Variants in OCA2 observed in about 807,000 individuals in gnomAD.
OCA2 encodes the protein P protein.
OCA2 carries 77 observed loss-of-function variants against 100.2 expected under a neutral mutation model. That is an observed-to-expected ratio of 0.77 (90% CI 0.64 to 0.93). The LOEUF is 0.93. OCA2 is among the 40% of genes least tolerant of loss of function. OCA2 has a pLI of 0.00. For missense variants in OCA2, 1,062 were observed against 1,089.1 expected, an observed-to-expected ratio of 0.98 and a Z score of 0.35; for synonymous variants, 432 against 439.2, an observed-to-expected ratio of 0.98 and a Z score of 0.21.
At position 27,985,072 on chromosome 15, in the gene OCA2, C is replaced by T. The variant is rs768532718; in HGVS notation, c.1356G>A (p.Val452=). 1 of 1,613,774 alleles carries T rather than the reference C, an allele frequency of 6.2e-7. No individual in the cohort carries two copies. The highest frequency in any genetic ancestry group is 1.3e-5 in the African/African-American group (1 of 74,920). Residue 452 remains valine, a synonymous_variant, in exon 13 of 24, where the codon GTG becomes GTA. Transcript: ENST00000354638. ...NVTTMLLFTP[V]TIRLCEVLNL... is the part of the protein sequence containing the mutation. ...AGAGGTGCTTTGCGTACCTTATGGT[C>T]ACAGGCGTGAAGAGGAGCATGGTGG...
chr15:28,083,144 C>T (rs1440480057), intron 1 of OCA2, among the ~76,000 whole-genome samples: 2 of 152,200 alleles, frequency 1.3e-5, no homozygotes, highest in African/African-American at 4.8e-5. Flanking sequence ...CACATACAGT[C>T]TTCACAATGC....
At chr15:27,999,587 T>C (rs902151801) in intron 9 of OCA2, among the ~76,000 whole-genome samples, 1 of 152,180 alleles carries the variant, frequency 6.6e-6, no homozygotes, top group Non-Finnish European at 1.5e-5. Flanking sequence ...ACCACTTCTA[T>C]TCAACATAGT....
intron 2 of OCA2, among the ~76,000 whole-genome samples, chr15:28,042,925 A>C (rs2043247452): frequency 6.6e-6 from 1 of 152,126 alleles, no homozygotes; most frequent in Admixed American, 6.5e-5. Flanking sequence ...ATTGGAAAAT[A>C]TGTTAGGGTT....
chr15:27,755,635 T>C (rs1346312048), intron 23 of OCA2, among the ~76,000 whole-genome samples, 163 bp from the exon 24 acceptor site: 1 of 152,248 alleles, frequency 6.6e-6, no homozygotes, highest in African/African-American at 2.4e-5. Flanking sequence ...GACTAAATTA[T>C]GTGAATGCAT....
intron 14 of OCA2, among the ~76,000 whole-genome samples, chr15:27,969,672 AT>A (rs2040702788): frequency 6.6e-6 from 1 of 152,044 alleles, no homozygotes; most frequent in South Asian, 2.1e-4. Context: ...AAATGGCCAA[AT>A]ATTAGGCACG....
intron 23 of OCA2, among the ~76,000 whole-genome samples, chr15:27,782,484 C>T (rs1301183039): frequency 2.0e-5 from 3 of 152,316 alleles, no homozygotes; most frequent in Non-Finnish European, 1.5e-5. Flanking sequence ...AAAATGTCAA[C>T]TCACATAAAA....
At chr15:27,898,112 C>T (rs1377014544) in intron 19 of OCA2, among the ~76,000 whole-genome samples, 2 of 152,116 alleles carry the variant, frequency 1.3e-5, no homozygotes, top group Non-Finnish European at 2.9e-5. Context: ...GGCTCATAGG[C>T]GGAAGGGACT....
At chr15:27,968,790 C>T (rs924346057) in intron 14 of OCA2, among the ~76,000 whole-genome samples, 1 of 152,082 alleles carries the variant, frequency 6.6e-6, no homozygotes, top group African/African-American at 2.4e-5. Flanking sequence ...GCAGGGAAAC[C>T]ACACAGAGGC....
At chr15:27,791,591 A>G (rs1183118295) in intron 23 of OCA2, among the ~76,000 whole-genome samples, 1 of 152,234 alleles carries the variant, frequency 6.6e-6, no homozygotes, top group Admixed American at 6.5e-5. Flanking sequence ...GTATGTGGCT[A>G]CGGATTCTTC....
rs541532181 is a variant in OCA2, at chr15:28,076,826, C to T, written c.227+4822G>A. Among the ~76,000 whole-genome samples, 4 of 139,810 alleles carry T rather than the reference C, an allele frequency of 2.9e-5. No individual in the cohort carries two copies. In the South Asian group the frequency reaches 8.9e-4, roughly 31 times the overall value. The allele number at this position is 139,810 out of a possible 152,430, so 91.7% of individuals were successfully genotyped here. ...TGCGCCACTGCAGTCCGCAGTCCGG[C>T]CTGGGCGACAGAGCGAGACTCCGTC... On this transcript the variant is annotated intron_variant, in intron 2 of 23. Coordinates refer to ENST00000354638, the MANE Select transcript of OCA2 (RefSeq NM_000275.3).
At chr15:27,744,848 A>G in the OCA2 span, among the ~76,000 whole-genome samples, 2,605 of 152,286 alleles carry the variant, frequency 0.017, 80 homozygotes, top group African/African-American at 0.06. Flanking sequence ...TCAGGCCATG[A>G]GGGGAAGTTG....
At chr15:27,817,121 C>T (rs1386473000) in intron 23 of OCA2, among the ~76,000 whole-genome samples, 3 of 152,190 alleles carry the variant, frequency 2.0e-5, no homozygotes, top group Non-Finnish European at 4.4e-5. Flanking sequence ...TTACCTGGAA[C>T]CCACGCTATC....
At chr15:27,886,628 C>T (rs960444653) in intron 19 of OCA2, among the ~76,000 whole-genome samples, 7 of 151,982 alleles carry the variant, frequency 4.6e-5, no homozygotes, top group Non-Finnish European at 5.9e-5. Flanking sequence ...TACAATATAG[C>T]GAATATAAGG....
chr15:28,000,722 G>A (rs182000704), intron 9 of OCA2, among the ~76,000 whole-genome samples: 257 of 152,066 alleles, frequency 1.7e-3, no homozygotes, highest in Middle Eastern at 0.01. Context: ...CCTAATAAGG[G>A]GTTAATATTG....
intron 23 of OCA2, among the ~76,000 whole-genome samples, chr15:27,835,592 AT>A (rs1299874017): frequency 6.6e-6 from 1 of 152,218 alleles, no homozygotes; most frequent in African/African-American, 2.4e-5. Context: ...AAGTCCCTGC[AT>A]TTTGGGATGA....
chr15:27,816,279 C>T (rs1381393316), intron 23 of OCA2, among the ~76,000 whole-genome samples: 1 of 152,060 alleles, frequency 6.6e-6, no homozygotes, highest in East Asian at 1.9e-4. Context: ...AAACATGAAC[C>T]AACACAGAAA....
chr15:27,946,556 C>T (rs2039844937), intron 18 of OCA2, among the ~76,000 whole-genome samples: 1 of 152,214 alleles, frequency 6.6e-6, no homozygotes, highest in Non-Finnish European at 1.5e-5. Context: ...TTGTTCTGAC[C>T]ATGAGGCACC....
At chr15:28,019,702 C>T (rs1284888488) in intron 6 of OCA2, among the ~76,000 whole-genome samples, 3 of 152,152 alleles carry the variant, frequency 2.0e-5, no homozygotes, top group African/African-American at 7.2e-5. Context: ...GAGCTCCTTG[C>T]TCAGAAGACA....
rs532284482 is a variant in OCA2, at chr15:27,754,890, GTTTAT to G, written c.*493_*497del. On this transcript the variant is annotated 3_prime_UTR_variant, in exon 24 of 24. Transcript: ENST00000354638. The stretch of plus-strand genomic sequence containing the variant: ...CTCCAAAGCCTTTTATCAAGGAACA[GTTTAT>G]TTTAATACATAAAATGTTTCCTTAC... 83 of 180,132 alleles carry G rather than the reference GTTTAT, an allele frequency of 4.6e-4. No homozygotes were observed. Among genetic ancestry groups the G allele is most frequent in the Admixed American group, 1.3e-3 (24 of 18,712 alleles). The allele number at this position is 180,132 out of a possible 1,614,324, so 11.2% of individuals were successfully genotyped here.
Sources: gnomAD v4.1 joint callset for allele counts (sites outside exome capture counted in the v4.1 genomes callset) on GRCh38, gnomAD v4.1.1 for gene constraint, MANE v1.5 for transcripts, NCBI Gene and HGNC (gene_info 2026-07-23, HGNC 2026-07-21) for gene names.